Variants in NAALADL2 observed in about 807,000 individuals in gnomAD.
NAALADL2 encodes the protein inactive N-acetylated-alpha-linked acidic dipeptidase-like protein 2.
In NAALADL2, 76 loss-of-function variants were observed where a neutral mutation model predicts 87.2. The ratio of observed to expected loss-of-function variants is 0.87; its 90% confidence interval spans 0.72 to 1.05. The LOEUF is 1.05. Ranked by LOEUF, NAALADL2 falls within the 50% of genes least tolerant of loss-of-function variation. The pLI, the probability that NAALADL2 is intolerant of heterozygous loss-of-function variation, is 0.00. For missense variants in NAALADL2, 1,089 were observed against 945.8 expected (o/e 1.15, Z -1.99); for synonymous variants, 354 against 331.0 (o/e 1.07, Z -0.75).
chr3:175,096,730 T>C (rs1721223944), intron 1 of NAALADL2, 60 bp from the exon 2 acceptor site: 1 of 1,152,184 alleles, frequency 8.7e-7, no homozygotes, highest in East Asian at 2.6e-5. Flanking sequence ...TGTTTTCACT[T>C]TGTTAGTTTT....
chr3:174,726,164 G>A (rs1397831597), intron 2 of NAALADL2, among the ~76,000 whole-genome samples: 1 of 152,054 alleles, frequency 6.6e-6, no homozygotes, highest in African/African-American at 2.4e-5. Flanking sequence ...AGAAACTGTG[G>A]TAAAAGGAAA....
intron 5 of NAALADL2, among the ~76,000 whole-genome samples, chr3:175,368,330 GTC>G (rs1765944225): frequency 6.6e-6 from 1 of 152,024 alleles, no homozygotes; most frequent in Admixed American, 6.6e-5. Flanking sequence ...TTTTGGTTGT[GTC>G]TCTGCCTGGC....
intron 11 of NAALADL2, among the ~76,000 whole-genome samples, chr3:175,717,306 G>A (rs187061594): frequency 6.6e-6 from 1 of 152,208 alleles, no homozygotes; most frequent in African/African-American, 2.4e-5. Context: ...ACAAGATTTT[G>A]AATCCTTCAC....
intron 2 of NAALADL2, among the ~76,000 whole-genome samples, chr3:174,637,290 ATGTAT>A (rs1402012321): frequency 6.6e-6 from 1 of 152,074 alleles, no homozygotes; most frequent in African/African-American, 2.4e-5. Flanking sequence ...GGTAACAACA[ATGTAT>A]TGTATATTTC....
intron 3 of NAALADL2, among the ~76,000 whole-genome samples, chr3:174,811,059 A>C (rs1720133468): frequency 6.6e-6 from 1 of 152,164 alleles, no homozygotes. Flanking sequence ...CAAGAGTTGA[A>C]AATTAGGAGC....
chr3:175,698,415 G>A (rs1223056990), intron 11 of NAALADL2, among the ~76,000 whole-genome samples: 2 of 56,282 alleles, frequency 3.6e-5, no homozygotes, highest in African/African-American at 2.3e-4. Flanking sequence ...ATTTATGTAT[G>A]TATACATATG....
intron 11 of NAALADL2, among the ~76,000 whole-genome samples, chr3:175,652,688 C>T (rs1313140046): frequency 2.0e-5 from 3 of 152,000 alleles, no homozygotes. Context: ...CCATGTTAGC[C>T]AGGATGGTCT....
chr3:175,226,534 A>G (rs1744176036), intron 2 of NAALADL2, among the ~76,000 whole-genome samples: 1 of 152,124 alleles, frequency 6.6e-6, no homozygotes, highest in Non-Finnish European at 1.5e-5. Flanking sequence ...AGAATAGTAG[A>G]AAACTGACTT....
chr3:175,367,789 T>C (rs189743621), intron 5 of NAALADL2, among the ~76,000 whole-genome samples: 32 of 152,336 alleles, frequency 2.1e-4, no homozygotes, highest in African/African-American at 7.0e-4. Flanking sequence ...TGTACAATCA[T>C]GTTGTCTGCA....
At chr3:174,462,781 T>C (rs1207522339) in intron 1 of NAALADL2, among the ~76,000 whole-genome samples, 2 of 152,200 alleles carry the variant, frequency 1.3e-5, no homozygotes, top group African/African-American at 2.4e-5. Context: ...TTCATGTTAA[T>C]AAGAGTTAGA....
chr3:175,306,250 A>G (rs1034671103), intron 4 of NAALADL2, among the ~76,000 whole-genome samples: 8 of 152,178 alleles, frequency 5.3e-5, no homozygotes, highest in African/African-American at 1.9e-4. Flanking sequence ...ACATTGCTAC[A>G]TTAATGATGA....
chr3:175,747,025 T>A (rs1038633779), intron 12 of NAALADL2, among the ~76,000 whole-genome samples: 4 of 152,198 alleles, frequency 2.6e-5, no homozygotes, highest in Admixed American at 2.6e-4. Flanking sequence ...AAATAGTTGT[T>A]ATACTGAATT....
At chr3:175,771,631 G>T (rs1749500212) in intron 13 of NAALADL2, among the ~76,000 whole-genome samples, 1 of 152,034 alleles carries the variant, frequency 6.6e-6, no homozygotes, top group Admixed American at 6.6e-5. Context: ...TCTTCACATG[G>T]CCTTCTCGTC....
At chr3:174,893,775 T>C (rs894268123) in intron 1 of NAALADL2, among the ~76,000 whole-genome samples, 7 of 152,066 alleles carry the variant, frequency 4.6e-5, no homozygotes, top group African/African-American at 1.7e-4. Context: ...AAATCATCTT[T>C]ACTAGAAGAA....
chr3:174,850,808 A>C (rs1725156386), intron 3 of NAALADL2, among the ~76,000 whole-genome samples: 1 of 152,172 alleles, frequency 6.6e-6, no homozygotes, highest in Non-Finnish European at 1.5e-5. Context: ...TGCAGAATGC[A>C]CATTCTTCTC....
chr3:174,637,018 A>T (rs531478787), intron 2 of NAALADL2, among the ~76,000 whole-genome samples: 1 of 152,306 alleles, frequency 6.6e-6, no homozygotes, highest in Non-Finnish European at 1.5e-5. Context: ...TGTTATTTGC[A>T]GCAACGTGGA....
chr3:175,336,446 T>TA, intron 5 of NAALADL2, among the ~76,000 whole-genome samples: 1 of 152,176 alleles, frequency 6.6e-6, no homozygotes. Flanking sequence ...TACGAATCCT[T>TA]CTCCAGTTTT....
chr3:174,754,423 A>C (rs1711715814), intron 3 of NAALADL2, among the ~76,000 whole-genome samples: 1 of 151,890 alleles, frequency 6.6e-6, no homozygotes, highest in South Asian at 2.1e-4. Context: ...AAAGTATAAA[A>C]TAAGGAAAGT....
intron 2 of NAALADL2, among the ~76,000 whole-genome samples, chr3:174,711,475 G>A (rs140543843): frequency 6.6e-6 from 1 of 152,176 alleles, no homozygotes; most frequent in Admixed American, 6.5e-5. Flanking sequence ...AGAATGCCTA[G>A]ATTTTCTATT....
Sources: gnomAD v4.1 joint callset for allele counts (sites outside exome capture counted in the v4.1 genomes callset) on GRCh38, gnomAD v4.1.1 for gene constraint, MANE v1.5 for transcripts, NCBI Gene and HGNC (gene_info 2026-07-23, HGNC 2026-07-21) for gene names.